The following EEIG1 variants were observed in gnomAD, a reference collection of about 807,000 sequenced individuals.
EEIG1 encodes the protein estrogen-induced osteoclastogenesis regulator 1.
At chr9:127,951,727 G>A in the EEIG1 span, among the ~76,000 whole-genome samples, 1 of 148,750 alleles carries the variant, frequency 6.7e-6, no homozygotes, top group African/African-American at 2.5e-5. Flanking sequence ...TGAGGCAGGA[G>A]AATGGCGTGA....
At chr9:127,942,299 AGGGC>A in the EEIG1 span, 1 of 152,552 alleles carries the variant, frequency 6.6e-6, no homozygotes, top group Non-Finnish European at 1.5e-5. Flanking sequence ...CCCTGGGCAG[AGGGC>A]ACGGTCGGTG....
At chr9:127,969,108 G>A in the EEIG1 span, among the ~76,000 whole-genome samples, 1 of 152,258 alleles carries the variant, frequency 6.6e-6, no homozygotes, top group Admixed American at 6.5e-5. Flanking sequence ...CCCAAGGTCA[G>A]GCCTTCTCCT....
chr9:127,942,960 T>C, the EEIG1 span: 5 of 578,300 alleles, frequency 8.6e-6, no homozygotes, highest in Non-Finnish European at 1.6e-5. Flanking sequence ...CCTCTAGTGG[T>C]TCAGAGGAGA....
the EEIG1 span, among the ~76,000 whole-genome samples, chr9:127,952,556 G>A: frequency 3.3e-5 from 5 of 152,212 alleles, no homozygotes; most frequent in African/African-American, 9.6e-5. Flanking sequence ...GTGAAACCCT[G>A]GTAACAATGC....
the EEIG1 span, among the ~76,000 whole-genome samples, chr9:127,949,761 G>A: frequency 4.6e-5 from 7 of 152,306 alleles, no homozygotes; most frequent in Middle Eastern, 3.4e-3. Context: ...CTGTTTTCCC[G>A]GCCAGGTGAA....
chr9:127,943,370 C>T, the EEIG1 span: 155 of 800,894 alleles, frequency 1.9e-4, 4 homozygotes, highest in Admixed American at 2.4e-3. Context: ...GGGCTAAAAC[C>T]GTGCCCCAGC....
At chr9:127,957,663 T>TA in the EEIG1 span, among the ~76,000 whole-genome samples, 6 of 152,236 alleles carry the variant, frequency 3.9e-5, no homozygotes, top group South Asian at 1.0e-3. Context: ...CTTTAAAAAG[T>TA]AAAACATCAT....
chr9:127,968,738 G>A, the EEIG1 span, among the ~76,000 whole-genome samples: 2 of 152,238 alleles, frequency 1.3e-5, no homozygotes, highest in East Asian at 3.9e-4. Flanking sequence ...ATTGTGAATC[G>A]CTCCGCCAAA....
At chr9:127,962,291 G>C in the EEIG1 span, among the ~76,000 whole-genome samples, 1 of 152,384 alleles carries the variant, frequency 6.6e-6, no homozygotes, top group African/African-American at 2.4e-5. Flanking sequence ...GGAGTGTCTG[G>C]AGATTGGGGT....
chr9:127,952,519 T>C, the EEIG1 span, among the ~76,000 whole-genome samples: 5 of 152,334 alleles, frequency 3.3e-5, no homozygotes, highest in African/African-American at 9.6e-5. Flanking sequence ...CTTAATACTA[T>C]GTAGGGCTGA....
chr9:127,966,131 G>A, the EEIG1 span, among the ~76,000 whole-genome samples: 1 of 152,212 alleles, frequency 6.6e-6, no homozygotes, highest in East Asian at 1.9e-4. Flanking sequence ...GCCCACTGGG[G>A]CTTCAGAAAC....
the EEIG1 span, among the ~76,000 whole-genome samples, chr9:127,973,605 A>G: frequency 1.4e-3 from 210 of 152,318 alleles, 1 homozygote; most frequent in African/African-American, 4.9e-3. This position sits in a 1 kb window ranked among gnomAD's most constrained non-coding sequence, Gnocchi z 4.2. Flanking sequence ...AGCAGACACC[A>G]AGGCCAGGCA....
At chr9:127,952,028 C>T in the EEIG1 span, among the ~76,000 whole-genome samples, 2 of 152,174 alleles carry the variant, frequency 1.3e-5, no homozygotes, top group South Asian at 2.1e-4. Flanking sequence ...AGGGAAGGGG[C>T]CTGGCAGTGC....
chr9:127,970,795 C>CGCCCTTGCTGTGCCTCT, the EEIG1 span, among the ~76,000 whole-genome samples: 10 of 151,476 alleles, frequency 6.6e-5, no homozygotes, highest in South Asian at 1.5e-3. Flanking sequence ...TCAGCACGCT[C>CGCCCTTGCTGTGCCTCT]GCCCTTGCCG....
chr9:127,945,445 C>CCCT, the EEIG1 span: 10 of 1,563,308 alleles, frequency 6.4e-6, no homozygotes, highest in Non-Finnish European at 8.7e-6. This position sits in a 1 kb window ranked among gnomAD's most constrained non-coding sequence, Gnocchi z 6.5. Flanking sequence ...CCGCTCACTG[C>CCCT]CCTCAGGGCC....
At chr9:127,965,840 C>A in the EEIG1 span, among the ~76,000 whole-genome samples, 1 of 152,238 alleles carries the variant, frequency 6.6e-6, no homozygotes, top group Non-Finnish European at 1.5e-5. Flanking sequence ...GAAGAGCCAG[C>A]GTGGCAGCAC....
chr9:127,975,214 A>C, the EEIG1 span, among the ~76,000 whole-genome samples: 1 of 152,182 alleles, frequency 6.6e-6, no homozygotes, highest in Non-Finnish European at 1.5e-5. Context: ...CGCGGCACTG[A>C]CCTGGCCAAG....
At chr9:127,967,792 G>C in the EEIG1 span, among the ~76,000 whole-genome samples, 1 of 149,572 alleles carries the variant, frequency 6.7e-6, no homozygotes, top group African/African-American at 2.6e-5. Flanking sequence ...TCACAGAGTT[G>C]CTACAGGACC....
chr9:127,973,317 G>C, the EEIG1 span, among the ~76,000 whole-genome samples: 1 of 152,148 alleles, frequency 6.6e-6, no homozygotes, highest in African/African-American at 2.4e-5. This position sits in a 1 kb window ranked among gnomAD's most constrained non-coding sequence, Gnocchi z 4.2. Context: ...CCCAGGTACT[G>C]AACAAGCAGG....
Sources: gnomAD v4.1 joint callset for allele counts (sites outside exome capture counted in the v4.1 genomes callset) on GRCh38, gnomAD v4.1.1 for gene constraint, Gnocchi (gnomAD v3.1) non-coding constraint, MANE v1.5 for transcripts, NCBI Gene and HGNC (gene_info 2026-07-23, HGNC 2026-07-21) for gene names.